The following ANO1 variants were observed in gnomAD, a reference collection of about 807,000 sequenced individuals.
The protein encoded by ANO1 is anoctamin 1.
In ANO1, 59 loss-of-function variants were observed where a neutral mutation model predicts 124.0. The ratio of observed to expected loss-of-function variants is 0.48; its 90% CI spans 0.39 to 0.59. The LOEUF is 0.59. ANO1 is among the 20% of genes least tolerant of loss of function. The probability of loss-of-function intolerance (pLI) is 0.00; values close to 1 mark genes in which losing one functional copy is unlikely to be tolerated. For synonymous variants in ANO1, 529 were observed against 532.0 expected, an observed-to-expected ratio of 0.99 and a Z score of 0.08; for missense variants, 1,059 against 1,328.0, an observed-to-expected ratio of 0.80 and a Z score of 3.15.
chr11:70,020,916 C>CCT (rs1157609856), intron 1 of ANO1: 2 of 152,274 alleles, frequency 1.3e-5, no homozygotes, highest in Non-Finnish European at 2.9e-5. Flanking sequence ...GACCATTCAG[C>CCT]CTCTCATTCG....
At chr11:70,014,079 G>C (rs1856653716) in intron 1 of ANO1, among the ~76,000 whole-genome samples, 1 of 152,220 alleles carries the variant, frequency 6.6e-6, no homozygotes, top group South Asian at 2.1e-4. Flanking sequence ...AGGGTCCCAT[G>C]GGGCCGTAGT....
At chr11:70,035,793 T>C (rs1555004349) in intron 1 of ANO1, among the ~76,000 whole-genome samples, 1 of 152,116 alleles carries the variant, frequency 6.6e-6, no homozygotes, top group African/African-American at 2.4e-5. Context: ...TCTGTTCCTG[T>C]GTTAGTTTGC....
intron 1 of ANO1, among the ~76,000 whole-genome samples, chr11:70,062,742 G>C (rs1857618983): frequency 6.6e-6 from 1 of 152,178 alleles, no homozygotes; most frequent in African/African-American, 2.4e-5. Context: ...GCCCACTAGG[G>C]ACTGTTGAAA....
chr11:69,992,333 C>T (rs1003898056), intron 1 of ANO1, among the ~76,000 whole-genome samples: 5 of 152,118 alleles, frequency 3.3e-5, no homozygotes, highest in Admixed American at 2.0e-4. Flanking sequence ...TTGTTGACAA[C>T]TCATTTTGTT....
chr11:70,149,847 C>A (rs1233467760), intron 12 of ANO1, 55 bp downstream of exon 12: 4 of 1,581,562 alleles, frequency 2.5e-6, no homozygotes, highest in East Asian at 4.6e-5. Flanking sequence ...TCCCCCTACC[C>A]CAGGACCTCC....
At chr11:70,068,213 A>G (rs529123336) in intron 1 of ANO1, among the ~76,000 whole-genome samples, 1 of 152,158 alleles carries the variant, frequency 6.6e-6, no homozygotes, top group African/African-American at 2.4e-5. Flanking sequence ...CCTAGGGAGA[A>G]CCTGTTTGTT....
intron 24 of ANO1, among the ~76,000 whole-genome samples, chr11:70,183,144 A>C (rs1384458832): frequency 6.6e-6 from 1 of 152,158 alleles, no homozygotes; most frequent in Non-Finnish European, 1.5e-5. Flanking sequence ...GGAGGAAATT[A>C]GAGGTGATTT....
At chr11:70,142,201 A>T (rs928576171) in intron 11 of ANO1, among the ~76,000 whole-genome samples, 2 of 152,366 alleles carry the variant, frequency 1.3e-5, no homozygotes, top group East Asian at 3.9e-4. Flanking sequence ...TTCCACGAAG[A>T]ACAAAGGAGT....
intron 11 of ANO1, among the ~76,000 whole-genome samples, chr11:70,140,325 T>C (rs2047105848): frequency 6.6e-6 from 1 of 151,920 alleles, no homozygotes; most frequent in South Asian, 2.1e-4. Context: ...AGGTCACGAG[T>C]ACAAGACCAG....
At chr11:70,119,262 G>T (rs2046143789) in intron 8 of ANO1, among the ~76,000 whole-genome samples, 1 of 133,448 alleles carries the variant, frequency 7.5e-6, no homozygotes, top group Non-Finnish European at 1.6e-5. Context: ...GATGATGGGG[G>T]GGTGGGTGGG....
chr11:70,111,592 G>T, intron 6 of ANO1, 115 bp from the exon 7 acceptor site: 1 of 1,020,416 alleles, frequency 9.8e-7, no homozygotes, highest in Non-Finnish European at 1.5e-6. Flanking sequence ...AGTCAGGTTC[G>T]TTTCATTTTG....
chr11:70,059,611 G>A (rs1857525596), intron 1 of ANO1, among the ~76,000 whole-genome samples: 1 of 152,176 alleles, frequency 6.6e-6, no homozygotes, highest in Non-Finnish European at 1.5e-5. Flanking sequence ...GTAGGAAAAG[G>A]AGGAGGCCTG....
At chr11:69,975,756 G>T in the ANO1 span, among the ~76,000 whole-genome samples, 5 of 152,248 alleles carry the variant, frequency 3.3e-5, no homozygotes, top group African/African-American at 1.2e-4. Context: ...TCACCAGCCA[G>T]CGAAACCTGT....
intron 1 of ANO1, among the ~76,000 whole-genome samples, chr11:70,006,903 CAG>C (rs1856502412): frequency 6.6e-6 from 1 of 152,074 alleles, no homozygotes; most frequent in African/African-American, 2.4e-5. Context: ...CTCCTGACTT[CAG>C]GTGATCCGCC....
rs544505319 is a variant in ANO1, at chr11:70,053,936, G to A, written c.59-24606G>A. Among the ~76,000 whole-genome samples, 6 of 152,226 alleles carry A rather than the reference G, an allele frequency of 3.9e-5. No individual in the cohort carries two copies. The East Asian group carries it at 7.7e-4, about 20-fold the overall frequency. ...GTGGTGCTTTTCTGGAAAATGGTCC[G>A]TTTTCTCTAGATTTTCCAATGTATT... On this transcript the variant is annotated intron_variant, in intron 1 of 27. Transcript: ENST00000531349.
chr11:70,145,841 G>A (rs970801502), intron 11 of ANO1, among the ~76,000 whole-genome samples: 21 of 151,092 alleles, frequency 1.4e-4, no homozygotes, highest in Admixed American at 1.3e-3. Flanking sequence ...GGGGACTGAG[G>A]CCAGAGAATT....
chr11:70,102,133 G>A (rs1164409491), intron 2 of ANO1, among the ~76,000 whole-genome samples: 6 of 152,208 alleles, frequency 3.9e-5, no homozygotes, highest in Admixed American at 6.5e-5. Flanking sequence ...AGCTAGAGAC[G>A]CTGGGGCCAT....
intron 4 of ANO1, among the ~76,000 whole-genome samples, chr11:70,104,949 G>A (rs1267792860): frequency 6.6e-6 from 1 of 152,128 alleles, no homozygotes; most frequent in Non-Finnish European, 1.5e-5. Context: ...CATTTACCAG[G>A]TCCTGATTCC....
intron 2 of ANO1, among the ~76,000 whole-genome samples, chr11:70,093,676 C>G (rs1196250336): frequency 6.6e-6 from 1 of 152,250 alleles, no homozygotes; most frequent in Admixed American, 6.5e-5. Context: ...CTGTACCCCA[C>G]TGGCTCGCCG....
Sources: allele counts gnomAD v4.1 joint callset (sites outside exome capture counted in the v4.1 genomes callset), GRCh38; gene constraint gnomAD v4.1.1; transcripts MANE v1.5; gene names NCBI Gene and HGNC (gene_info 2026-07-23, HGNC 2026-07-21).